KIRREL3: variants seen among roughly 807,000 people sequenced by gnomAD.
KIRREL3 encodes the protein kirre like nephrin family adhesion molecule 3.
In KIRREL3, 36 loss-of-function variants were observed where a neutral mutation model predicts 89.7. The ratio of observed to expected loss-of-function variants is 0.40; its 90% CI spans 0.31 to 0.53. The LOEUF is 0.53. KIRREL3 is among the 20% of genes least tolerant of loss of function. KIRREL3 has a pLI of 0.49. For synonymous variants in KIRREL3, 445 were observed against 441.4 expected (o/e 1.01, Z -0.10); for missense variants, 864 against 1,056.6 (o/e 0.82, Z 2.53).
rs1057253412 is a variant in KIRREL3, at chr11:126,811,297, T to C, written c.55+189158A>G. ...CATCCTCTTTCTTCAGAGAGAACTT[T>C]GACCCAGAACCGAGTGACTGTTATG... is the stretch of plus-strand genomic sequence containing the variant. On this transcript the variant is annotated intron_variant, in intron 1 of 16. Transcript: ENST00000525144. The surrounding 1 kb of genome is among the most constrained non-coding windows in gnomAD (Gnocchi z 4.3). Among the ~76,000 whole-genome samples, 8 of 152,228 alleles carry C rather than the reference T, an allele frequency of 5.3e-5. No homozygotes were observed. Among genetic ancestry groups the C allele is most frequent in the African/African-American group, 1.9e-4 (8 of 41,468 alleles).
intron 1 of KIRREL3, among the ~76,000 whole-genome samples, chr11:126,688,029 T>C (rs1946732344): frequency 6.6e-6 from 1 of 152,232 alleles, no homozygotes; most frequent in African/African-American, 2.4e-5. Flanking sequence ...GGGAAGAAGA[T>C]GCATAACTTC....
rs540948815 is a variant in KIRREL3, at chr11:126,709,565, A to T, written c.56-146653T>A. On this transcript the variant is annotated intron_variant, in intron 1 of 16. Transcript: ENST00000525144. The surrounding 1 kb of genome is among the most constrained non-coding windows in gnomAD (Gnocchi z 4.0). ...TCTTTAAAAAGGTGATTAAGTTAAA[A>T]TGAGGTCATTAGGGTGCGTCCTAAT... Among the ~76,000 whole-genome samples the T allele has an allele frequency of 6.6e-6, 1 of 152,316 alleles. No homozygotes were observed. The highest frequency in any genetic ancestry group is 2.4e-5 in the African/African-American group (1 of 41,558).
chr11:126,613,894 AT>A (rs66779566), intron 1 of KIRREL3, among the ~76,000 whole-genome samples: 4 of 85,000 alleles, frequency 4.7e-5, no homozygotes, highest in African/African-American at 1.3e-4. Flanking sequence ...TTTTTTTTTT[AT>A]TTTTTTCCCC....
Position 126,579,194 on chromosome 11 carries a change from C to T in KIRREL3, c.56-16282G>A, listed in dbSNP as rs1941413653. The stretch of plus-strand genomic sequence containing the variant: ...AACGGGTCGTCTAAAACAGATGACG[C>T]TGGTGCGGGCCCCAGGGAGTTCCAC... On this transcript the variant is annotated intron_variant, in intron 1 of 16. Transcript: ENST00000525144. The surrounding 1 kb of genome is among the most constrained non-coding windows in gnomAD (Gnocchi z 5.3). Among the ~76,000 whole-genome samples the T allele has an allele frequency of 6.6e-6, 1 of 152,156 alleles. No individual in the cohort carries two copies. The highest frequency in any genetic ancestry group is 1.5e-5 in the Non-Finnish European group (1 of 68,026).
chr11:126,831,435 T>TTCTCTTTCTCTCTC (rs1555051378), intron 1 of KIRREL3, among the ~76,000 whole-genome samples: 1 of 149,914 alleles, frequency 6.7e-6, no homozygotes, highest in Non-Finnish European at 1.5e-5. Context: ...CTCTCTCTCT[T>TTCTCTTTCTCTCTC]TCTCTCTCTC....
intron 1 of KIRREL3, among the ~76,000 whole-genome samples, chr11:126,823,589 G>T (rs1943298711): frequency 1.3e-5 from 2 of 152,162 alleles, no homozygotes; most frequent in South Asian, 4.1e-4. Context: ...TCTCATTGGT[G>T]GGTCCCTGCA....
intron 1 of KIRREL3, among the ~76,000 whole-genome samples, chr11:126,938,959 G>A (rs774447771): frequency 2.0e-4 from 30 of 152,266 alleles, no homozygotes; most frequent in Admixed American, 1.2e-3. Flanking sequence ...TCTCTAGGTA[G>A]AGGGTAAAGA....
Position 126,475,398 on chromosome 11 carries a change from G to A in KIRREL3, c.434-1932C>T, listed in dbSNP as rs1482205258. ...GGACAGGAAGCCCCAGTGGGGGCCG[G>A]TAAGAAGCCAAGAAGCAAACCTTCA... On this transcript the variant is annotated intron_variant, in intron 4 of 16. Coordinates refer to ENST00000525144, the MANE Select transcript of KIRREL3 (RefSeq NM_032531.4). The surrounding 1 kb of genome is among the most constrained non-coding windows in gnomAD (Gnocchi z 7.5). Among the ~76,000 whole-genome samples the A allele has an allele frequency of 1.3e-5, 2 of 152,214 alleles. No individual in the cohort carries two copies. The highest frequency in any genetic ancestry group is 4.8e-5 in the African/African-American group (2 of 41,462).
At chr11:126,632,683 CCTG>C (rs372583083) in intron 1 of KIRREL3, among the ~76,000 whole-genome samples, 1 of 151,732 alleles carries the variant, frequency 6.6e-6, no homozygotes, top group South Asian at 2.1e-4. Context: ...ATCCTCCTTC[CCTG>C]CCACAAGCCT....
intron 1 of KIRREL3, chr11:126,681,673 G>T: frequency 3.0e-6 from 1 of 334,680 alleles, no homozygotes; most frequent in East Asian, 7.6e-5. Flanking sequence ...TTTGCAAATT[G>T]TTGTCACTGG....
intron 1 of KIRREL3, among the ~76,000 whole-genome samples, chr11:126,661,050 T>C (rs1479589086): frequency 3.9e-5 from 6 of 152,178 alleles, no homozygotes; most frequent in African/African-American, 7.2e-5. Context: ...GTGTCTTCTG[T>C]CATATAACAT....
chr11:126,651,046 A>G lies in KIRREL3; in HGVS notation c.56-88134T>C, dbSNP rs1203386730. Among the ~76,000 whole-genome samples the G allele has an allele frequency of 6.6e-6, 1 of 152,214 alleles. No homozygotes were observed. Among genetic ancestry groups the G allele is most frequent in the Non-Finnish European group, 1.5e-5 (1 of 68,044 alleles). ...ACACATTCACTTCCATGAGAACAGT[A>G]TGGGGGAAACCACCCCCATGATTCA... On this transcript the variant is annotated intron_variant, in intron 1 of 16. Coordinates refer to ENST00000525144, the MANE Select transcript of KIRREL3 (RefSeq NM_032531.4). This position sits in a 1 kb window ranked among gnomAD's most constrained non-coding sequence, Gnocchi z 4.6.
At position 126,578,936 on chromosome 11, in the gene KIRREL3, GA is replaced by G. The variant is rs1400844881; in HGVS notation, c.56-16025del. 6.6e-6 allele frequency among the ~76,000 whole-genome samples: 1 copy of G among 152,192 alleles called. No individual in the cohort carries two copies. Among genetic ancestry groups the G allele is most frequent in the African/African-American group, 2.4e-5 (1 of 41,454 alleles). ...CTCTCACTTATCCTCACCATGCCTA[GA>G]GATGGGACTTTGTCTCCATGTGACT... is the stretch of plus-strand genomic sequence containing the variant. On this transcript the variant is annotated intron_variant, in intron 1 of 16. Transcript: ENST00000525144. This position sits in a 1 kb window ranked among gnomAD's most constrained non-coding sequence, Gnocchi z 4.9.
rs962058951 is a variant in KIRREL3, at chr11:126,891,839, A to G, written c.55+108616T>C. The stretch of plus-strand genomic sequence containing the variant: ...CAGTGAGGTCTGTCTTTTCTTTGAA[A>G]GGGACAGAGGAGTGTGGTCCTTGGG... On this transcript the variant is annotated intron_variant, in intron 1 of 16. Transcript: ENST00000525144. This position sits in a 1 kb window ranked among gnomAD's most constrained non-coding sequence, Gnocchi z 5.1. Among the ~76,000 whole-genome samples, 5 of 152,246 alleles carry G rather than the reference A, an allele frequency of 3.3e-5. No homozygotes were observed. Among genetic ancestry groups the G allele is most frequent in the African/African-American group, 7.2e-5 (3 of 41,466 alleles).
At position 126,852,163 on chromosome 11, in the gene KIRREL3, C is replaced by T. The variant is rs1215334961; in HGVS notation, c.55+148292G>A. Among the ~76,000 whole-genome samples the T allele has an allele frequency of 2.0e-5, 3 of 151,038 alleles. No homozygotes were observed. In the East Asian group the frequency reaches 5.9e-4, roughly 30 times the overall value. On this transcript the variant is annotated intron_variant, in intron 1 of 16. Transcript: ENST00000525144. ...CTGCCTCCCGGGTTCAAGCGATTCT[C>T]CTGCCTCAGCCTCCCAAGTAGCTGG...
At chr11:126,781,477 T>C (rs1292456710) in intron 1 of KIRREL3, among the ~76,000 whole-genome samples, 1 of 152,260 alleles carries the variant, frequency 6.6e-6, no homozygotes, top group Non-Finnish European at 1.5e-5. Context: ...TCATACTGTG[T>C]ATACAATTTT....
intron 1 of KIRREL3, among the ~76,000 whole-genome samples, chr11:126,801,920 T>G (rs1565743886): frequency 6.7e-6 from 1 of 149,570 alleles, no homozygotes; most frequent in East Asian, 2.1e-4. Flanking sequence ...GGCTACAGAG[T>G]GAGACGCTGT....
At chr11:126,868,050 G>A (rs1183707962) in intron 1 of KIRREL3, among the ~76,000 whole-genome samples, 2 of 126,116 alleles carry the variant, frequency 1.6e-5, no homozygotes, top group Non-Finnish European at 3.2e-5. Context: ...CAGCTCTCAA[G>A]GAAGACTGGG....
At chr11:126,671,330 G>T (rs1272482647) in intron 1 of KIRREL3, among the ~76,000 whole-genome samples, 1 of 151,262 alleles carries the variant, frequency 6.6e-6, no homozygotes, top group Admixed American at 6.6e-5. Context: ...AGCCTCCTGA[G>T]TAGCTGAGAT....
Sources: gnomAD v4.1 joint callset for allele counts (sites outside exome capture counted in the v4.1 genomes callset) on GRCh38, gnomAD v4.1.1 for gene constraint, Gnocchi (gnomAD v3.1) non-coding constraint, MANE v1.5 for transcripts, NCBI Gene and HGNC (gene_info 2026-07-23, HGNC 2026-07-21) for gene names.